Variants in SIPA1L1 observed in about 807,000 individuals in gnomAD.
SIPA1L1 encodes signal-induced proliferation-associated 1-like protein 1.
In SIPA1L1, 26 loss-of-function variants were observed where a neutral mutation model predicts 162.7. The ratio of observed to expected loss-of-function variants is 0.16; its 90% confidence interval spans 0.12 to 0.22. The LOEUF is 0.22. Among genes scored for constraint, SIPA1L1 ranks in the 10% least tolerant of loss-of-function variants. The pLI is 1.00. For synonymous variants in SIPA1L1, 829 were observed against 837.4 expected, an observed-to-expected ratio of 0.99 and a Z score of 0.17; for missense variants, 1,874 against 2,241.0, an observed-to-expected ratio of 0.84 and a Z score of 3.31.
At chr14:71,367,607 C>CTTT (rs773250069) in intron 2 of SIPA1L1, among the ~76,000 whole-genome samples, 3,353 of 120,966 alleles carry the variant, frequency 0.028, 124 homozygotes, top group African/African-American at 0.071. Flanking sequence ...CGTGCCCGGC[C>CTTT]TTTTTTTTTT....
At chr14:71,568,901 G>A (rs1308574903) in intron 4 of SIPA1L1, among the ~76,000 whole-genome samples, 1 of 152,122 alleles carries the variant, frequency 6.6e-6, no homozygotes, top group Non-Finnish European at 1.5e-5. Flanking sequence ...GCATGGGATG[G>A]GAAGTTGATA....
intron 2 of SIPA1L1, among the ~76,000 whole-genome samples, chr14:71,487,245 A>G (rs147784071): frequency 1.3e-5 from 2 of 152,230 alleles, no homozygotes; most frequent in Non-Finnish European, 2.9e-5. Flanking sequence ...TGACTGGTTT[A>G]GTGGCTCAGG....
intron 5 of SIPA1L1, among the ~76,000 whole-genome samples, chr14:71,610,381 A>G (rs2038072078): frequency 6.6e-6 from 1 of 152,194 alleles, no homozygotes; most frequent in South Asian, 2.1e-4. Context: ...TTTATTGCCA[A>G]ATTGCTCTTA....
chr14:71,574,968 G>T (rs1158539658), intron 4 of SIPA1L1: 1 of 152,156 alleles, frequency 6.6e-6, no homozygotes, highest in Non-Finnish European at 1.5e-5. Context: ...GATGTGGTAT[G>T]CATTAAAGAA....
intron 9 of SIPA1L1, 64 bp from the exon 10 acceptor site, chr14:71,661,246 G>A: frequency 6.5e-7 from 1 of 1,547,336 alleles, no homozygotes; most frequent in Non-Finnish European, 8.8e-7. Flanking sequence ...CTATATAAGG[G>A]AATTGGGGTG....
intron 2 of SIPA1L1, among the ~76,000 whole-genome samples, chr14:71,482,367 T>C (rs1327692591): frequency 6.6e-6 from 1 of 152,020 alleles, no homozygotes; most frequent in Non-Finnish European, 1.5e-5. Flanking sequence ...TGACCAGAGG[T>C]GTAGAAGCTT....
intron 5 of SIPA1L1, among the ~76,000 whole-genome samples, chr14:71,617,951 AT>A (rs933111485): frequency 3.3e-5 from 5 of 152,244 alleles, no homozygotes; most frequent in African/African-American, 1.2e-4. Context: ...AAAGATGTAT[AT>A]GCACAGTAAA....
At chr14:71,728,284 G>A (rs980905061) in intron 19 of SIPA1L1, among the ~76,000 whole-genome samples, 1 of 152,146 alleles carries the variant, frequency 6.6e-6, no homozygotes, top group Non-Finnish European at 1.5e-5. Flanking sequence ...CAGTTAGCAA[G>A]CCATATAATG....
intron 7 of SIPA1L1, among the ~76,000 whole-genome samples, chr14:71,638,330 T>A (rs182995018): frequency 1.7e-4 from 26 of 151,692 alleles, no homozygotes; most frequent in Non-Finnish European, 2.9e-4. Flanking sequence ...TAGAAAAAAA[T>A]TTTGTAGACC....
At chr14:71,569,989 T>A (rs935471312) in intron 4 of SIPA1L1, among the ~76,000 whole-genome samples, 4 of 152,240 alleles carry the variant, frequency 2.6e-5, no homozygotes, top group Admixed American at 2.6e-4. Context: ...CTATGTTAAG[T>A]AACATTGTGG....
At chr14:71,398,676 C>A (rs2041421390) in intron 2 of SIPA1L1, among the ~76,000 whole-genome samples, 1 of 152,114 alleles carries the variant, frequency 6.6e-6, no homozygotes, top group Non-Finnish European at 1.5e-5. Context: ...GAAGTAGGCA[C>A]CTGAGTTCCC....
At chr14:71,609,376 A>C (rs531542366) in intron 5 of SIPA1L1, among the ~76,000 whole-genome samples, 42 of 151,718 alleles carry the variant, frequency 2.8e-4, no homozygotes, top group African/African-American at 9.9e-4. Flanking sequence ...TCAAGTGCTC[A>C]TCACACCTCA....
intron 17 of SIPA1L1, among the ~76,000 whole-genome samples, chr14:71,714,183 C>A (rs1375814044): frequency 6.6e-6 from 1 of 152,166 alleles, no homozygotes; most frequent in African/African-American, 2.4e-5. Context: ...CCTAAGCGAT[C>A]TTGCCACACC....
chr14:71,665,848 GT>G (rs2043953513), intron 10 of SIPA1L1, among the ~76,000 whole-genome samples: 1 of 152,120 alleles, frequency 6.6e-6, no homozygotes, highest in Admixed American at 6.5e-5. Context: ...TATATTAACA[GT>G]AATTAATAAA....
chr14:71,685,332 G>A, intron 12 of SIPA1L1, 30 bp from the exon 13 acceptor site: 4 of 1,609,488 alleles, frequency 2.5e-6, no homozygotes, highest in Non-Finnish European at 3.4e-6. Context: ...AGTATCCATT[G>A]TGTTTCTCCC....
At chr14:71,719,858 C>T (rs2083561954) in intron 17 of SIPA1L1, among the ~76,000 whole-genome samples, 1 of 152,148 alleles carries the variant, frequency 6.6e-6, no homozygotes, top group Admixed American at 6.5e-5. Context: ...ATAGAGTTCC[C>T]ATACACCCCT....
chr14:71,636,128 C>G (rs2041123921), intron 7 of SIPA1L1, among the ~76,000 whole-genome samples: 1 of 152,158 alleles, frequency 6.6e-6, no homozygotes, highest in South Asian at 2.1e-4. Flanking sequence ...TTTAACATCT[C>G]TCCTTCAACA....
At chr14:71,389,825 G>C (rs1234461800) in intron 2 of SIPA1L1, among the ~76,000 whole-genome samples, 1 of 152,164 alleles carries the variant, frequency 6.6e-6, no homozygotes, top group Non-Finnish European at 1.5e-5. Flanking sequence ...CAGACTGTCA[G>C]TGTGGTGCTG....
chr14:71,443,387 T>A (rs1195549301), intron 2 of SIPA1L1, among the ~76,000 whole-genome samples: 4 of 152,214 alleles, frequency 2.6e-5, no homozygotes, highest in Non-Finnish European at 5.9e-5. Flanking sequence ...AAACTGGTAA[T>A]ATTTAATCAT....
Sources: gnomAD v4.1 joint callset for allele counts (sites outside exome capture counted in the v4.1 genomes callset) on GRCh38, gnomAD v4.1.1 for gene constraint, MANE v1.5 for transcripts, NCBI Gene and HGNC (gene_info 2026-07-23, HGNC 2026-07-21) for gene names.